The following LEPR variants were observed in gnomAD, a reference collection of about 807,000 sequenced individuals.
The protein encoded by LEPR is OB receptor.
A neutral mutation model predicts 114.7 loss-of-function variants in LEPR; 56 were observed. The observed-to-expected ratio is 0.49, with a 90% CI of 0.39 to 0.61. The LOEUF is 0.61. LEPR is among the 20% of genes least tolerant of loss of function. LEPR has a pLI of 0.00. For missense variants in LEPR, 1,202 were observed against 1,352.9 expected (o/e 0.89, Z 1.75); for synonymous variants, 443 against 461.4 (o/e 0.96, Z 0.51).
At chr1:65,511,563 G>A (rs369950869) in intron 2 of LEPR, among the ~76,000 whole-genome samples, 4 of 152,160 alleles carry the variant, frequency 2.6e-5, no homozygotes, top group African/African-American at 9.6e-5. Context: ...CATTTTTTAA[G>A]AGCATATGTG....
chr1:65,526,221 T>C (rs1422237662), intron 2 of LEPR: 1 of 985,364 alleles, frequency 1.0e-6, no homozygotes, highest in Non-Finnish European at 1.2e-6. Context: ...GAGAATTTGC[T>C]GGTTCGAATG....
rs1658821824 is a variant in LEPR, at chr1:65,640,141, T to C, written c.*3126T>C. The C allele has an allele frequency of 2.0e-5, 3 of 152,282 alleles. No individual in the cohort carries two copies. Among genetic ancestry groups the C allele is most frequent in the Admixed American group, 2.0e-4 (3 of 15,296 alleles). 9.4% of individuals were successfully genotyped at this position (152,282 alleles called of 1,614,324 possible). On this transcript the variant is annotated 3_prime_UTR_variant, in exon 20 of 20. Transcript: ENST00000349533. ...CATAATATCATATATATGGTCACAT[T>C]ACTTCAGGAATATTTATATTACCTC...
At chr1:65,592,541 C>A in intron 5 of LEPR, 116 bp from the exon 6 acceptor site, 1 of 1,106,482 alleles carries the variant, frequency 9.0e-7, no homozygotes, top group Non-Finnish European at 1.3e-6. Flanking sequence ...TTCAGATACC[C>A]TTTAAGCTGG....
chr1:65,615,063 T>G (rs1437639229), intron 14 of LEPR, among the ~76,000 whole-genome samples: 1 of 152,240 alleles, frequency 6.6e-6, no homozygotes, highest in Non-Finnish European at 1.5e-5. Flanking sequence ...TGCATGACTT[T>G]GAAACATTTC....
chr1:65,475,196 A>G (rs1171244002), intron 2 of LEPR, among the ~76,000 whole-genome samples: 3 of 152,136 alleles, frequency 2.0e-5, no homozygotes, highest in Non-Finnish European at 4.4e-5. Flanking sequence ...TAATACTATA[A>G]TTGATGTTCA....
At chr1:65,610,161 T>G in intron 13 of LEPR, 53 bp from the exon 14 acceptor site, 2 of 1,614,124 alleles carry the variant, frequency 1.2e-6, no homozygotes. Flanking sequence ...GTGCTTCAAA[T>G]ATGGCTGAAA....
chr1:65,553,183 G>T (rs555129752), intron 2 of LEPR, among the ~76,000 whole-genome samples: 2 of 152,050 alleles, frequency 1.3e-5, no homozygotes, highest in African/African-American at 2.4e-5. Flanking sequence ...TGAATTTGAC[G>T]ATTATATGTC....
intron 17 of LEPR, 74 bp downstream of exon 17, chr1:65,620,097 G>A: frequency 8.8e-7 from 1 of 1,141,288 alleles, no homozygotes; most frequent in Non-Finnish European, 1.3e-6. Context: ...ATTGCCATCT[G>A]ATTATTCTTT....
chr1:65,635,448 T>A (rs1047351156), intron 19 of LEPR: 3 of 849,870 alleles, frequency 3.5e-6, no homozygotes, highest in Non-Finnish European at 4.2e-6. Flanking sequence ...TGTATTTGTC[T>A]TCATTTCACA....
chr1:65,465,104 T>C (rs1350458763), intron 2 of LEPR, among the ~76,000 whole-genome samples: 1 of 152,192 alleles, frequency 6.6e-6, no homozygotes, highest in African/African-American at 2.4e-5. Flanking sequence ...CTACTTCTTT[T>C]AACTGTGATG....
chr1:65,627,102 G>A (rs1463093283), intron 19 of LEPR, among the ~76,000 whole-genome samples: 3 of 152,180 alleles, frequency 2.0e-5, no homozygotes, highest in African/African-American at 7.2e-5. Flanking sequence ...GAGGCCCAGA[G>A]TGGTTCAGTA....
intron 2 of LEPR, among the ~76,000 whole-genome samples, chr1:65,475,283 G>A (rs1297210404): frequency 6.6e-6 from 1 of 152,156 alleles, no homozygotes; most frequent in Non-Finnish European, 1.5e-5. Context: ...TCTGGAGGCA[G>A]CACTATGATT....
At chr1:65,567,075 A>G (rs993538392) in intron 3 of LEPR, among the ~76,000 whole-genome samples, 1 of 152,174 alleles carries the variant, frequency 6.6e-6, no homozygotes, top group Non-Finnish European at 1.5e-5. Context: ...TTTTTGAATC[A>G]AAAGAATTCC....
chr1:65,421,989 T>C (rs1646260270), intron 1 of LEPR, among the ~76,000 whole-genome samples: 1 of 152,192 alleles, frequency 6.6e-6, no homozygotes, highest in African/African-American at 2.4e-5. Context: ...TGAGAAGTTA[T>C]TGGTGGGTGA....
chr1:65,433,271 A>G, intron 2 of LEPR: 1 of 985,388 alleles, frequency 1.0e-6, no homozygotes, highest in Non-Finnish European at 1.2e-6. Context: ...CAGTGGGTGA[A>G]CTGCTTAATT....
intron 2 of LEPR, among the ~76,000 whole-genome samples, chr1:65,464,535 C>T (rs1210919428): frequency 6.6e-6 from 1 of 152,110 alleles, no homozygotes; most frequent in African/African-American, 2.4e-5. Context: ...TAATGCTAGC[C>T]TCATAAAATG....
At position 65,605,252 on chromosome 1, in the gene LEPR, G is replaced by C. The variant is rs769140019; in HGVS notation, c.1603+15G>C. 1 of 1,613,620 alleles carries C rather than the reference G, an allele frequency of 6.2e-7. No homozygotes were observed. Among genetic ancestry groups the C allele is most frequent in the Admixed American group, 1.7e-5 (1 of 60,016 alleles). ...TGATTCTGTGGGTATGTCAAGCTGC[G>C]TTGTGTCTTCATTTGTGTTAGCAGA... On this transcript the variant is annotated intron_variant, in intron 11 of 19. Transcript: ENST00000349533.
At chr1:65,493,912 A>G (rs1207354073) in intron 2 of LEPR, 1 of 152,196 alleles carries the variant, frequency 6.6e-6, no homozygotes, top group Non-Finnish European at 1.5e-5. Context: ...TCAATGAAAT[A>G]GTGCACATCT....
At chr1:65,631,611 CAA>C (rs75381688) in intron 19 of LEPR, among the ~76,000 whole-genome samples, 34,057 of 151,960 alleles carry the variant, frequency 0.22, 4,147 homozygotes, top group South Asian at 0.33. Flanking sequence ...TCTATAGAGA[CAA>C]GAGAGAAACC....
Sources: allele counts gnomAD v4.1 joint callset (sites outside exome capture counted in the v4.1 genomes callset), GRCh38; gene constraint gnomAD v4.1.1; transcripts MANE v1.5; gene names NCBI Gene and HGNC (gene_info 2026-07-23, HGNC 2026-07-21).